ADGRV1: variants seen among roughly 807,000 people sequenced by gnomAD.
ADGRV1 encodes the protein G-protein coupled receptor 98.
ADGRV1 carries 359 observed loss-of-function variants against 596.2 expected under a neutral mutation model. That is an observed-to-expected ratio of 0.60 (90% CI 0.55 to 0.66). The LOEUF (loss-of-function observed/expected upper bound fraction) is 0.66, where lower values mean the gene tolerates loss of function less well. Ranked by LOEUF, ADGRV1 falls within the 30% of genes least tolerant of loss-of-function variation. The pLI is 0.00. For missense variants in ADGRV1, 7,274 were observed against 7,575.6 expected (o/e 0.96, Z 1.48); for synonymous variants, 2,681 against 2,679.2 (o/e 1.00, Z -0.02).
intron 85 of ADGRV1, among the ~76,000 whole-genome samples, chr5:90,999,621 A>G (rs1293921722): frequency 6.6e-6 from 1 of 152,086 alleles, no homozygotes; most frequent in Non-Finnish European, 1.5e-5. Flanking sequence ...TTTTATTCCC[A>G]TTACAAATTT....
chr5:91,059,280 C>T (rs973744074), intron 85 of ADGRV1, among the ~76,000 whole-genome samples: 11 of 152,110 alleles, frequency 7.2e-5, no homozygotes, highest in African/African-American at 2.4e-4. Context: ...AAGCTACATA[C>T]TGAGTATGTG....
chr5:90,850,012 G>A (rs1766319082), intron 79 of ADGRV1, among the ~76,000 whole-genome samples: 1 of 152,136 alleles, frequency 6.6e-6, no homozygotes, highest in South Asian at 2.1e-4. Flanking sequence ...TACAGATGTA[G>A]ACACTAAGGC....
At chr5:90,834,692 C>T (rs907053032) in intron 77 of ADGRV1, among the ~76,000 whole-genome samples, 3 of 151,846 alleles carry the variant, frequency 2.0e-5, no homozygotes, top group East Asian at 1.9e-4. Context: ...TCTTTCTCTA[C>T]GTTTGGGAAG....
At position 90,558,929 on chromosome 5, in the gene ADGRV1, C is replaced by T. The variant is rs1182830182; in HGVS notation, c.22+12C>T. 1.3e-6 allele frequency: 2 copies of T among 1,554,860 alleles called. No individual in the cohort carries two copies. The highest frequency in any genetic ancestry group is 2.4e-5 in the East Asian group (1 of 41,592). On this transcript the variant is annotated intron_variant, in intron 1 of 89. Transcript: ENST00000405460. ...GTTCCTGGGGCCAGGTAGGCTATGG[C>T]TGAGGGGTGGTGCTGCGAGCATCGC...
intron 1 of ADGRV1, among the ~76,000 whole-genome samples, chr5:90,599,016 T>A (rs1026346502): frequency 6.6e-6 from 1 of 151,930 alleles, no homozygotes; most frequent in Non-Finnish European, 1.5e-5. Flanking sequence ...CCTTTAAGAA[T>A]GAGAAAAGAA....
chr5:90,644,874 A>G lies in ADGRV1; in HGVS notation c.2898+5A>G. ...ATTTACTCCCTTCCAGATGAGGTAA[A>G]TATTGCATATAACTTTCTGCCTTAC... On this transcript the variant is annotated splice_donor_5th_base_variant and intron_variant, in intron 15 of 89. Coordinates refer to ENST00000405460, the MANE Select transcript of ADGRV1 (RefSeq NM_032119.4). The G allele has an allele frequency of 6.4e-7, 1 of 1,563,676 alleles. No individual in the cohort carries two copies. Among genetic ancestry groups the G allele is most frequent in the Non-Finnish European group, 8.6e-7 (1 of 1,156,340 alleles).
At chr5:90,695,785 A>T (rs1392988768) in intron 33 of ADGRV1, among the ~76,000 whole-genome samples, 1 of 152,102 alleles carries the variant, frequency 6.6e-6, no homozygotes, top group African/African-American at 2.4e-5. Context: ...ATTTAGTGGG[A>T]TATGATATGC....
chr5:90,595,639 G>T (rs1445538247), intron 1 of ADGRV1, among the ~76,000 whole-genome samples: 49 of 127,626 alleles, frequency 3.8e-4, no homozygotes, highest in Non-Finnish European at 3.7e-4. Flanking sequence ...CCTCCCGGAC[G>T]GGGCGGCTGG....
intron 11 of ADGRV1, among the ~76,000 whole-genome samples, chr5:90,641,749 A>T (rs895819001): frequency 3.3e-5 from 5 of 152,118 alleles, no homozygotes; most frequent in Middle Eastern, 3.2e-3. Flanking sequence ...GCATGAATAT[A>T]TTTTTGGTTC....
intron 1 of ADGRV1, among the ~76,000 whole-genome samples, chr5:90,561,725 AT>A (rs753318705): frequency 4.6e-5 from 7 of 152,148 alleles, no homozygotes; most frequent in Non-Finnish European, 8.8e-5. Flanking sequence ...TGCCATCACC[AT>A]TTTTCACTTC....
chr5:90,708,910 G>A lies in ADGRV1; in HGVS notation c.8824+1G>A, dbSNP rs2149707525. On this transcript the variant is annotated splice_donor_variant, in intron 39 of 89. Transcript: ENST00000405460. LOFTEE classifies it high-confidence loss of function. ...TCAACTTCATTTCCTCCCAGACTAG[G>A]TATGAGGGGTTTCTTGTTTGTTTCT... 1.3e-6 allele frequency: 2 copies of A among 1,597,688 alleles called. No homozygotes were observed. Among genetic ancestry groups the A allele is most frequent in the Non-Finnish European group, 1.7e-6 (2 of 1,165,842 alleles).
At chr5:90,694,839 TAGA>T (rs1746984510) in intron 33 of ADGRV1, 138 bp downstream of exon 33, 1 of 762,556 alleles carries the variant, frequency 1.3e-6, no homozygotes, top group African/African-American at 1.8e-5. Context: ...TAGAAAAAAA[TAGA>T]AGTTAATTGG....
At chr5:91,155,134 T>C (rs1360418194) in intron 89 of ADGRV1, among the ~76,000 whole-genome samples, 1 of 152,094 alleles carries the variant, frequency 6.6e-6, no homozygotes, top group Non-Finnish European at 1.5e-5. Flanking sequence ...GCTTAGAGTT[T>C]GCTAGGAAAA....
At position 90,728,535 on chromosome 5, in the gene ADGRV1, A is replaced by G. The variant is rs932502380; in HGVS notation, c.10162-134A>G. 1.5e-5 allele frequency: 12 copies of G among 774,910 alleles called. No individual in the cohort carries two copies. The African/African-American group carries it at 1.7e-4, about 11-fold the overall frequency. The allele number at this position is 774,910 out of a possible 1,614,324, so 48.0% of individuals were successfully genotyped here. On this transcript the variant is annotated intron_variant, in intron 48 of 89. Transcript: ENST00000405460. The stretch of plus-strand genomic sequence containing the variant: ...GCAGCAAGGGAGCATCAGTTTTAGT[A>G]TTTTCTTATTTATGAAAGTATCTTT...
At chr5:90,784,714 C>T (rs192121037) in intron 67 of ADGRV1, among the ~76,000 whole-genome samples, 1 of 152,188 alleles carries the variant, frequency 6.6e-6, no homozygotes, top group Non-Finnish European at 1.5e-5. Flanking sequence ...GATGTTCGAT[C>T]ACATGGAACC....
At chr5:91,036,577 A>AG (rs1464786304) in intron 85 of ADGRV1, among the ~76,000 whole-genome samples, 1 of 149,512 alleles carries the variant, frequency 6.7e-6, no homozygotes, top group Non-Finnish European at 1.5e-5. Context: ...AAAAAAAAAA[A>AG]CGGCCAGGCC....
intron 85 of ADGRV1, among the ~76,000 whole-genome samples, chr5:90,986,100 T>C (rs1435100666): frequency 7.1e-6 from 1 of 140,454 alleles, no homozygotes; most frequent in South Asian, 2.2e-4. Flanking sequence ...TATATATATA[T>C]ATATATTATG....
At chr5:90,841,770 A>G (rs1297582719) in intron 78 of ADGRV1, among the ~76,000 whole-genome samples, 1 of 152,236 alleles carries the variant, frequency 6.6e-6, no homozygotes, top group Non-Finnish European at 1.5e-5. Flanking sequence ...CTCTTACATA[A>G]TGACCTTAAA....
At chr5:90,951,701 A>G (rs1777073934) in intron 83 of ADGRV1, among the ~76,000 whole-genome samples, 1 of 152,180 alleles carries the variant, frequency 6.6e-6, no homozygotes, top group Admixed American at 6.5e-5. Context: ...ATATTTCTAA[A>G]TAAGTTAGAA....
Sources: gnomAD v4.1 joint callset for allele counts (sites outside exome capture counted in the v4.1 genomes callset) on GRCh38, gnomAD v4.1.1 for gene constraint, MANE v1.5 for transcripts, NCBI Gene and HGNC (gene_info 2026-07-23, HGNC 2026-07-21) for gene names.